The following SPAG17 variants were observed in gnomAD, a reference collection of about 807,000 sequenced individuals.
SPAG17 encodes sperm associated antigen 17.
In SPAG17, 169 loss-of-function variants were observed where a neutral mutation model predicts 273.6. The observed-to-expected ratio is 0.62, with a 90% confidence interval of 0.55 to 0.70. The LOEUF (loss-of-function observed/expected upper bound fraction) is 0.70, where lower values mean the gene tolerates loss of function less well. Ranked by LOEUF, SPAG17 falls within the 30% of genes least tolerant of loss-of-function variation. The pLI, the probability that SPAG17 is intolerant of heterozygous loss-of-function variation, is 0.00. For missense variants in SPAG17, 2,557 were observed against 2,627.8 expected, an observed-to-expected ratio of 0.97 and a Z score of 0.59; for synonymous variants, 825 against 873.2, an observed-to-expected ratio of 0.94 and a Z score of 0.97.
At chr1:118,114,073 T>C (rs1656923238) in intron 4 of SPAG17, among the ~76,000 whole-genome samples, 1 of 152,168 alleles carries the variant, frequency 6.6e-6, no homozygotes, top group African/African-American at 2.4e-5. Flanking sequence ...GTCTACTTTT[T>C]ATAATTCAGA....
intron 17 of SPAG17, among the ~76,000 whole-genome samples, chr1:118,071,845 A>G (rs1234181159): frequency 2.0e-5 from 3 of 152,206 alleles, no homozygotes; most frequent in Non-Finnish European, 2.9e-5. Flanking sequence ...AGCAGGTCCA[A>G]CACCAGAGTA....
At chr1:117,973,384 G>A (rs927069986) in intron 44 of SPAG17, 41 bp downstream of exon 44, 1 of 1,593,632 alleles carries the variant, frequency 6.3e-7, no homozygotes, top group African/African-American at 1.4e-5. Flanking sequence ...TCCATCAAAT[G>A]CTGATTGGCT....
chr1:118,081,678 T>C, intron 13 of SPAG17, 36 bp from the exon 14 acceptor site: 1 of 1,549,460 alleles, frequency 6.5e-7, no homozygotes, highest in Non-Finnish European at 8.9e-7. Flanking sequence ...CTGGAAATGT[T>C]CTTATTAGCA....
At chr1:118,124,956 C>T (rs1657627754) in intron 3 of SPAG17, among the ~76,000 whole-genome samples, 1 of 152,166 alleles carries the variant, frequency 6.6e-6, no homozygotes, top group South Asian at 2.1e-4. Context: ...GTCCTAGTCC[C>T]TCCCCAGTCT....
chr1:118,083,583 G>A (rs539152165), intron 13 of SPAG17, among the ~76,000 whole-genome samples: 1 of 152,108 alleles, frequency 6.6e-6, no homozygotes, highest in South Asian at 2.1e-4. Context: ...TCAGGAGTTC[G>A]AGACCAGCCT....
chr1:118,048,645 C>T (rs1424681259), intron 20 of SPAG17, among the ~76,000 whole-genome samples: 1 of 152,136 alleles, frequency 6.6e-6, no homozygotes, highest in Non-Finnish European at 1.5e-5. Context: ...CGCCTATAAT[C>T]CCAGCACTTT....
chr1:118,135,477 A>G (rs1386337334), intron 3 of SPAG17, among the ~76,000 whole-genome samples: 1 of 151,956 alleles, frequency 6.6e-6, no homozygotes, highest in Non-Finnish European at 1.5e-5. Flanking sequence ...CTGTTTTGAT[A>G]AAGAAATCCT....
chr1:118,081,753 G>A (rs1025865375), intron 13 of SPAG17, 111 bp from the exon 14 acceptor site: 12 of 827,746 alleles, frequency 1.4e-5, no homozygotes, highest in South Asian at 6.7e-5. Flanking sequence ...AGAGAGTCAC[G>A]CCACAATGGC....
Position 117,988,111 on chromosome 1 carries a change from G to A in SPAG17, c.5615C>T (p.Thr1872Ile). 1 of 1,601,560 alleles carries A rather than the reference G, an allele frequency of 6.2e-7. No homozygotes were observed. The highest frequency in any genetic ancestry group is 8.5e-7 in the Non-Finnish European group (1 of 1,175,508). Residue 1872 changes from threonine (T) to isoleucine (I), a missense_variant, in exon 39 of 49, where the codon ACA (threonine) becomes ATA (isoleucine). Transcript: ENST00000336338. ...DTFGKDFFEK[T>I]WRHTASSKRW... ...CATTATTGGATTAGCTTACCTCCAT[G>A]TCTTTTCAAAGAAATCTTTACCAAA... is the stretch of plus-strand genomic sequence containing the variant.
chr1:117,956,778 A>G (rs530245390), intron 48 of SPAG17, among the ~76,000 whole-genome samples: 1 of 152,366 alleles, frequency 6.6e-6, no homozygotes, highest in South Asian at 2.1e-4. Flanking sequence ...AGAATATCAT[A>G]TGAAGATGGA....
intron 3 of SPAG17, among the ~76,000 whole-genome samples, chr1:118,144,406 C>T (rs187503247): frequency 1.3e-4 from 20 of 152,332 alleles, no homozygotes; most frequent in Middle Eastern, 3.4e-3. Context: ...TCTAGCATTA[C>T]TATTTCTCCT....
intron 35 of SPAG17, 126 bp downstream of exon 35, chr1:117,994,280 G>T: frequency 9.9e-7 from 1 of 1,009,976 alleles, no homozygotes; most frequent in Non-Finnish European, 1.4e-6. Flanking sequence ...AACTCCTTGA[G>T]CACATTAAAA....
chr1:118,148,041 TTA>T (rs1659135458), intron 3 of SPAG17, among the ~76,000 whole-genome samples: 1 of 152,188 alleles, frequency 6.6e-6, no homozygotes, highest in African/African-American at 2.4e-5. Context: ...TGCATGGCTG[TTA>T]TATCGTGAGT....
chr1:118,028,876 G>C (rs1285151275), intron 25 of SPAG17, among the ~76,000 whole-genome samples: 1 of 152,154 alleles, frequency 6.6e-6, no homozygotes, highest in Admixed American at 6.5e-5. Context: ...AATGGGATTA[G>C]TGCTTTTAAA....
In SPAG17 at chr1:118,087,159, A is replaced by C. The variant is rs965149863; in HGVS notation, c.1360-151T>G. The C allele has an allele frequency of 1.3e-5, 9 of 696,594 alleles. No homozygotes were observed. In the African/African-American group the frequency reaches 1.5e-4, roughly 11 times the overall value. The allele number at this position is 696,594 out of a possible 1,614,324, so 43.2% of individuals were successfully genotyped here. A position where few individuals can be genotyped will look rare whatever the true frequency, so the allele number is the denominator to read the frequency against. The stretch of plus-strand genomic sequence containing the variant: ...TGACACAAAATGGCAGGAAACTATC[A>C]GTGATCACCAAGTAAAAGGAAAAGT... On this transcript the variant is annotated intron_variant, in intron 10 of 48. Coordinates refer to ENST00000336338, the MANE Select transcript of SPAG17 (RefSeq NM_206996.4).
At chr1:118,124,873 C>CT (rs1262576261) in intron 3 of SPAG17, among the ~76,000 whole-genome samples, 3 of 152,142 alleles carry the variant, frequency 2.0e-5, no homozygotes, top group Non-Finnish European at 2.9e-5. Context: ...CACAGTGGGC[C>CT]TTTTCACCCC....
chr1:118,093,192 A>G lies in SPAG17; in HGVS notation c.1137T>C (p.Asn379=). ...MQLINVPQVV[N]EKPVLEAMPT... ...GCATGGCTTCTAATACAGGTTTCTC[A>G]TTAACCACTTGTGGAACATTAATAA... Residue 379 remains asparagine, a synonymous_variant, in exon 8 of 49, where the codon AAT becomes AAC. Transcript: ENST00000336338. The G allele has an allele frequency of 6.2e-7, 1 of 1,613,714 alleles. No homozygotes were observed. The highest frequency in any genetic ancestry group is 8.5e-7 in the Non-Finnish European group (1 of 1,179,736).
chr1:118,112,104 C>T (rs1018708301), intron 4 of SPAG17, among the ~76,000 whole-genome samples: 11 of 151,676 alleles, frequency 7.3e-5, no homozygotes, highest in Non-Finnish European at 1.0e-4. Context: ...CTTTTTGTAT[C>T]GAAGCTTTTT....
rs1156877457 is a variant in SPAG17 at position 118,093,184 on chromosome 1, G to C, written c.1145C>G (p.Pro382Arg). 6.2e-6 allele frequency: 10 copies of C among 1,613,590 alleles called. No individual in the cohort carries two copies. The highest frequency in any genetic ancestry group is 8.5e-6 in the Non-Finnish European group (10 of 1,179,708). ...TGAAGTTGGCATGGCTTCTAATACAGGTTTCTCATTAACCACTTGTGGAAC... is the reference window on the plus strand; with the variant it reads ...TGAAGTTGGCATGGCTTCTAATACACGTTTCTCATTAACCACTTGTGGAAC... ...INVPQVVNEK[P>R]VLEAMPTSEA... Residue 382 changes from proline (P) to arginine (R), a missense_variant, in exon 8 of 49, where the codon CCT becomes CGT. By Grantham distance (103) the Pro-to-Arg change is moderately radical. Transcript: ENST00000336338.
Sources: gnomAD v4.1 joint callset for allele counts (sites outside exome capture counted in the v4.1 genomes callset) on GRCh38, gnomAD v4.1.1 for gene constraint, MANE v1.5 for transcripts, NCBI Gene and HGNC (gene_info 2026-07-23, HGNC 2026-07-21) for gene names.